ITGA9: variants seen among roughly 807,000 people sequenced by gnomAD.
ITGA9 encodes integrin subunit alpha 9.
In ITGA9, 56 loss-of-function variants were observed where a neutral mutation model predicts 127.8. The observed-to-expected ratio is 0.44, with a 90% CI of 0.35 to 0.55. The LOEUF (loss-of-function observed/expected upper bound fraction) is 0.55. ITGA9 is among the 20% of genes least tolerant of loss of function. ITGA9 has a pLI of 0.00. For synonymous variants in ITGA9, 508 were observed against 514.5 expected (o/e 0.99, Z 0.17); for missense variants, 1,196 against 1,347.1 (o/e 0.89, Z 1.76).
rs952636725 is a variant in ITGA9, at chr3:37,618,436, C to A, written c.1690-10751C>A. Among the ~76,000 whole-genome samples, 3 of 152,228 alleles carry A rather than the reference C, an allele frequency of 2.0e-5. No individual in the cohort carries two copies. In the East Asian group the frequency reaches 5.8e-4, roughly 29 times the overall value. On this transcript the variant is annotated intron_variant, in intron 15 of 27. Coordinates refer to ENST00000264741, the MANE Select transcript of ITGA9 (RefSeq NM_002207.3). The stretch of plus-strand genomic sequence containing the variant: ...GGACCCACTTGAGGAGGCAGTCTGT[C>A]CATTCTCAGATCTCAAGCTGCCTGC...
intron 17 of ITGA9, among the ~76,000 whole-genome samples, chr3:37,683,641 A>G (rs1239351519): frequency 6.6e-6 from 1 of 152,194 alleles, no homozygotes; most frequent in Non-Finnish European, 1.5e-5. Flanking sequence ...GTGAGCCTCT[A>G]AACAGTCTAG....
At chr3:37,486,367 C>T (rs796971996) in intron 4 of ITGA9, among the ~76,000 whole-genome samples, 4 of 152,296 alleles carry the variant, frequency 2.6e-5, no homozygotes, top group African/African-American at 9.6e-5. Flanking sequence ...CTATATGCTC[C>T]TACTTTCTGA....
At chr3:37,781,564 T>C (rs927809398) in intron 25 of ITGA9, among the ~76,000 whole-genome samples, 1 of 152,230 alleles carries the variant, frequency 6.6e-6, no homozygotes, top group African/African-American at 2.4e-5. Flanking sequence ...TCGGTGGCTC[T>C]TGAAGAATCA....
chr3:37,641,524 G>A (rs961744849), intron 16 of ITGA9, among the ~76,000 whole-genome samples: 4 of 151,994 alleles, frequency 2.6e-5, no homozygotes, highest in East Asian at 1.9e-4. Context: ...GGAGCCAGCC[G>A]CACCACCATG....
intron 14 of ITGA9, among the ~76,000 whole-genome samples, chr3:37,538,886 G>A (rs930468775): frequency 4.6e-5 from 7 of 152,380 alleles, no homozygotes; most frequent in Non-Finnish European, 8.8e-5. Context: ...TAATTAGGCA[G>A]TTCTAGAGAT....
At chr3:37,501,946 G>A (rs375181688) in intron 5 of ITGA9, among the ~76,000 whole-genome samples, 1 of 152,182 alleles carries the variant, frequency 6.6e-6, no homozygotes, top group Non-Finnish European at 1.5e-5. Flanking sequence ...AAACAGTGTG[G>A]TCTAGAATTT....
chr3:37,557,682 T>G (rs1001994898), intron 15 of ITGA9, among the ~76,000 whole-genome samples: 3 of 152,238 alleles, frequency 2.0e-5, no homozygotes, highest in African/African-American at 7.2e-5. Flanking sequence ...AATAGCTATC[T>G]TTTATTGAGC....
chr3:37,682,761 C>G (rs1193837526), intron 17 of ITGA9, among the ~76,000 whole-genome samples: 6 of 152,124 alleles, frequency 3.9e-5, no homozygotes, highest in Non-Finnish European at 1.5e-5. Flanking sequence ...TGAAGCAGTC[C>G]TTGACTCCTC....
intron 17 of ITGA9, among the ~76,000 whole-genome samples, chr3:37,681,081 C>T (rs551643520): frequency 8.6e-4 from 131 of 152,130 alleles, no homozygotes; most frequent in African/African-American, 2.9e-3. Context: ...GAGGATTCCA[C>T]CCCCCCAGAA....
At chr3:37,665,208 C>T (rs1700574940) in intron 17 of ITGA9, among the ~76,000 whole-genome samples, 2 of 151,704 alleles carry the variant, frequency 1.3e-5, no homozygotes, top group Non-Finnish European at 2.9e-5. Context: ...CTCCTGACCT[C>T]AGGTGATCCA....
At chr3:37,728,323 C>T (rs1403600442) in intron 18 of ITGA9, among the ~76,000 whole-genome samples, 2 of 152,200 alleles carry the variant, frequency 1.3e-5, no homozygotes, top group Non-Finnish European at 2.9e-5. Flanking sequence ...GAGCTGGGGA[C>T]AGCTTAGATT....
At chr3:37,495,307 G>A (rs1351213836) in intron 5 of ITGA9, among the ~76,000 whole-genome samples, 2 of 152,170 alleles carry the variant, frequency 1.3e-5, no homozygotes, top group Non-Finnish European at 2.9e-5. Context: ...GATTCAGAAG[G>A]ACAGGACACC....
intron 15 of ITGA9, among the ~76,000 whole-genome samples, chr3:37,606,039 A>T (rs1375331211): frequency 1.3e-5 from 2 of 152,238 alleles, no homozygotes; most frequent in Admixed American, 1.3e-4. Flanking sequence ...TCTCAGCACC[A>T]GTCAGTGGTG....
At chr3:37,697,494 C>T (rs1175965386) in intron 18 of ITGA9, among the ~76,000 whole-genome samples, 1 of 151,088 alleles carries the variant, frequency 6.6e-6, no homozygotes, top group Non-Finnish European at 1.5e-5. Context: ...TTGCCCCCAA[C>T]CCCACGACAG....
intron 24 of ITGA9, among the ~76,000 whole-genome samples, chr3:37,777,772 T>C (rs1441863581): frequency 6.6e-6 from 1 of 152,254 alleles, no homozygotes; most frequent in African/African-American, 2.4e-5. Flanking sequence ...TTTCTTCCAC[T>C]AGAATGAGTC....
Position 37,521,112 on chromosome 3 carries a change from G to A in ITGA9, c.1236+1758G>A, listed in dbSNP as rs1559527139. 3.9e-5 allele frequency among the ~76,000 whole-genome samples: 6 copies of A among 152,048 alleles called. No individual in the cohort carries two copies. In the South Asian group the frequency reaches 1.2e-3, roughly 32 times the overall value. ...TGCTTTGACAAAGAGAAGTGGTTTT[G>A]GGCTCTTAAGGAAAAAAAAAGAAAG... On this transcript the variant is annotated intron_variant, in intron 11 of 27. Coordinates refer to ENST00000264741, the MANE Select transcript of ITGA9 (RefSeq NM_002207.3).
intron 15 of ITGA9, 53 bp downstream of exon 15, chr3:37,542,638 C>T: frequency 6.3e-7 from 1 of 1,582,518 alleles, no homozygotes; most frequent in South Asian, 1.1e-5. Flanking sequence ...CAGATGTTCA[C>T]TTGGAGCTGG....
intron 26 of ITGA9, among the ~76,000 whole-genome samples, chr3:37,793,337 A>G (rs1188154449): frequency 6.6e-6 from 1 of 151,288 alleles, no homozygotes; most frequent in Non-Finnish European, 1.5e-5. Flanking sequence ...CCCAGTAACT[A>G]TGAACAAGAT....
chr3:37,799,755 G>A lies in ITGA9; in HGVS notation c.2890-4068G>A, dbSNP rs1004299917. ...GTGCTGGTGAGAGAAGACGAGATGTGAGCCAGGAGGTACCTGGGATGGAAA... is the reference window on the plus strand; with the variant it reads ...GTGCTGGTGAGAGAAGACGAGATGTAAGCCAGGAGGTACCTGGGATGGAAA... On this transcript the variant is annotated intron_variant, in intron 26 of 27. Coordinates refer to ENST00000264741, the MANE Select transcript of ITGA9 (RefSeq NM_002207.3). This position sits in a 1 kb window ranked among gnomAD's most constrained non-coding sequence, Gnocchi z 4.0. 6.6e-6 allele frequency among the ~76,000 whole-genome samples: 1 copy of A among 152,142 alleles called. No individual in the cohort carries two copies. Among genetic ancestry groups the A allele is most frequent in the African/African-American group, 2.4e-5 (1 of 41,426 alleles).
Sources: allele counts gnomAD v4.1 joint callset (sites outside exome capture counted in the v4.1 genomes callset), GRCh38; gene constraint gnomAD v4.1.1; non-coding constraint Gnocchi (gnomAD v3.1); transcripts MANE v1.5; gene names NCBI Gene and HGNC (gene_info 2026-07-23, HGNC 2026-07-21).